The following NOL4 variants were observed in gnomAD, a reference collection of about 807,000 sequenced individuals.
NOL4 encodes the protein cancer/testis antigen 125.
In NOL4, 17 loss-of-function variants were observed where a neutral mutation model predicts 75.9. The observed-to-expected ratio is 0.22, with a 90% CI of 0.15 to 0.34. The LOEUF (loss-of-function observed/expected upper bound fraction) is 0.34. Among genes scored for constraint, NOL4 ranks in the 10% least tolerant of loss-of-function variants. The pLI is 1.00. For missense variants in NOL4, 614 were observed against 793.5 expected (o/e 0.77, Z 2.72); for synonymous variants, 292 against 289.9 (o/e 1.01, Z -0.07).
At chr18:34,052,435 T>A (rs961015309) in intron 5 of NOL4, among the ~76,000 whole-genome samples, 3 of 152,104 alleles carry the variant, frequency 2.0e-5, no homozygotes, top group African/African-American at 7.2e-5. Flanking sequence ...TAACTCTTTT[T>A]TAAAAAGCTG....
At position 33,883,408 on chromosome 18, in the gene NOL4, G is replaced by A. The variant is rs2064434674; in HGVS notation, c.1559C>T (p.Ala520Val). 1 of 1,607,956 alleles carries A rather than the reference G, an allele frequency of 6.2e-7. No individual in the cohort carries two copies. The highest frequency in any genetic ancestry group is 2.2e-5 in the East Asian group (1 of 44,762). The change falls in exon 10 of 11, where the codon GCT (alanine) becomes GTT (valine). Residue 520 changes from alanine (A) to valine (V), a missense_variant. Transcript: ENST00000261592. ...LERQQDESAPADKQCKPEATQ... is the reference protein window; with the variant it reads ...LERQQDESAPVDKQCKPEATQ... ...CGCCTCTGGTTTACACTGTTTGTCA[G>A]CTGGAGCAGACTCATCCTGCAAGGA...
intron 5 of NOL4, chr18:34,023,787 A>G (rs1438061622): frequency 8.5e-6 from 2 of 236,146 alleles, no homozygotes; most frequent in East Asian, 1.6e-4. Flanking sequence ...TTGGAGAATT[A>G]TTGTGCTATC....
chr18:34,224,410 A>T lies in NOL4; in HGVS notation c.-1157T>A, dbSNP rs2037495367. 6.6e-6 allele frequency: 1 copy of T among 152,290 alleles called. No individual in the cohort carries two copies. The highest frequency in any genetic ancestry group is 6.5e-5 in the Admixed American group (1 of 15,278). The allele number at this position is 152,290 out of a possible 1,614,324, so 9.4% of individuals were successfully genotyped here. On this transcript the variant is annotated 5_prime_UTR_variant, in exon 1 of 11. Transcript: ENST00000261592. ...CCACTGCTCTGAGTAGCCAAATATG[A>T]GTTCCTCTGGACTATTTTTCCAAGC...
At chr18:33,934,213 C>A (rs1568086064) in intron 9 of NOL4, among the ~76,000 whole-genome samples, 1 of 151,876 alleles carries the variant, frequency 6.6e-6, no homozygotes. Flanking sequence ...GTTAACCATG[C>A]TCTAAACAGA....
chr18:33,944,487 A>T (rs75738866), intron 8 of NOL4, among the ~76,000 whole-genome samples: 6,559 of 151,976 alleles, frequency 0.043, 171 homozygotes, highest in Middle Eastern at 0.075. Context: ...CTGCCTTAGC[A>T]GACTTCCTCA....
intron 1 of NOL4, among the ~76,000 whole-genome samples, chr18:34,184,462 C>T (rs192243151): frequency 6.6e-6 from 1 of 152,152 alleles, no homozygotes; most frequent in African/African-American, 2.4e-5. Context: ...ACTACTTTGA[C>T]ATTCTTCCAC....
At chr18:34,058,227 G>A (rs7229945) in intron 5 of NOL4, among the ~76,000 whole-genome samples, 61,633 of 151,810 alleles carry the variant, frequency 0.41, 12,629 homozygotes, top group Admixed American at 0.48. Context: ...TCCGCCTCCC[G>A]GGTTCACGCC....
At chr18:33,917,058 T>G (rs2145212989) in intron 9 of NOL4, among the ~76,000 whole-genome samples, 1 of 152,320 alleles carries the variant, frequency 6.6e-6, no homozygotes, top group African/African-American at 2.4e-5. Flanking sequence ...CTGGATTTGC[T>G]GATAAGCAGC....
intron 1 of NOL4, among the ~76,000 whole-genome samples, chr18:34,208,559 T>C (rs1300966533): frequency 1.3e-5 from 2 of 152,136 alleles, no homozygotes; most frequent in Non-Finnish European, 2.9e-5. Flanking sequence ...AAATGAAAAC[T>C]GTAATTATTG....
intron 9 of NOL4, among the ~76,000 whole-genome samples, chr18:33,917,536 C>G (rs1370569202): frequency 2.0e-5 from 3 of 152,024 alleles, no homozygotes; most frequent in African/African-American, 7.2e-5. Context: ...CTCACTGTTG[C>G]CCTTGTTGGA....
intron 5 of NOL4, among the ~76,000 whole-genome samples, chr18:34,062,983 G>T (rs908601542): frequency 8.5e-5 from 13 of 152,054 alleles, no homozygotes; most frequent in Non-Finnish European, 1.8e-4. Context: ...AATTACGGGA[G>T]AATTTACTTA....
intron 1 of NOL4, among the ~76,000 whole-genome samples, chr18:34,159,915 G>A (rs1018594221): frequency 2.0e-5 from 3 of 149,812 alleles, no homozygotes; most frequent in African/African-American, 4.8e-5. Context: ...GGAGGGGAGT[G>A]GGGTGGGGTG....
chr18:34,075,666 A>G (rs1332765082), intron 5 of NOL4, among the ~76,000 whole-genome samples: 1 of 152,224 alleles, frequency 6.6e-6, no homozygotes. Flanking sequence ...GCAAGTCATG[A>G]CATTAGAGAC....
At chr18:33,985,704 G>GT (rs1460868670) in intron 6 of NOL4, among the ~76,000 whole-genome samples, 1 of 152,094 alleles carries the variant, frequency 6.6e-6, no homozygotes, top group East Asian at 1.9e-4. Flanking sequence ...AAAATTTTTA[G>GT]TTTTGTAGCA....
chr18:33,909,823 G>A (rs1395172631), intron 9 of NOL4, among the ~76,000 whole-genome samples: 1 of 151,198 alleles, frequency 6.6e-6, no homozygotes, highest in Non-Finnish European at 1.5e-5. Flanking sequence ...CAAGAGGAAG[G>A]ATAAAATATA....
At chr18:33,920,573 T>G (rs1223939919) in intron 9 of NOL4, among the ~76,000 whole-genome samples, 3 of 152,180 alleles carry the variant, frequency 2.0e-5, no homozygotes, top group Non-Finnish European at 4.4e-5. Flanking sequence ...TGGAAAATGT[T>G]TCAGATAGCA....
intron 9 of NOL4, among the ~76,000 whole-genome samples, chr18:33,905,948 C>A (rs575754660): frequency 2.6e-4 from 40 of 152,264 alleles, no homozygotes; most frequent in African/African-American, 8.9e-4. Flanking sequence ...TTGGAATGAA[C>A]CTTTGAGAGT....
chr18:34,109,929 G>C (rs2079504095), intron 2 of NOL4, among the ~76,000 whole-genome samples: 2 of 151,718 alleles, frequency 1.3e-5, no homozygotes, highest in African/African-American at 2.4e-5. Context: ...TCCTAGAAAT[G>C]TGCAGCATAC....
intron 8 of NOL4, among the ~76,000 whole-genome samples, chr18:33,949,060 T>A (rs1402866067): frequency 1.3e-5 from 2 of 152,100 alleles, no homozygotes; most frequent in Non-Finnish European, 2.9e-5. Context: ...TATGCATATG[T>A]TTTGCTGCAG....
Sources: allele counts gnomAD v4.1 joint callset (sites outside exome capture counted in the v4.1 genomes callset), GRCh38; gene constraint gnomAD v4.1.1; transcripts MANE v1.5; gene names NCBI Gene and HGNC (gene_info 2026-07-23, HGNC 2026-07-21).